The following TPO variants were observed in gnomAD, a reference collection of about 807,000 sequenced individuals.
TPO encodes thyroid microsomal antigen.
TPO carries 78 observed loss-of-function variants against 96.9 expected under a neutral mutation model. The ratio of observed to expected loss-of-function variants is 0.81; its 90% CI spans 0.67 to 0.97. TPO has a LOEUF of 0.97. Among genes scored for constraint, TPO ranks in the 50% least tolerant of loss-of-function variants. The pLI is 0.00. For synonymous variants in TPO, 547 were observed against 538.0 expected (o/e 1.02, Z -0.23); for missense variants, 1,252 against 1,274.8 (o/e 0.98, Z 0.27).
intron 1 of TPO, 65 bp downstream of exon 1, chr2:1,413,610 G>A (rs1662578640): frequency 2.2e-6 from 2 of 918,586 alleles, no homozygotes; most frequent in Non-Finnish European, 2.6e-6. Context: ...AACTTGTAAA[G>A]TGGCCCAAGA....
chr2:1,541,457 AG>A (rs1680759242), intron 16 of TPO: 1 of 157,716 alleles, frequency 6.3e-6, no homozygotes, highest in Non-Finnish European at 1.4e-5. Context: ...CTCCTGCTCA[AG>A]CAATCCTCTT....
At chr2:1,527,151 C>T (rs1676757712) in intron 15 of TPO, among the ~76,000 whole-genome samples, 1 of 139,722 alleles carries the variant, frequency 7.2e-6, no homozygotes, top group African/African-American at 2.8e-5. Flanking sequence ...CTCAAATCCC[C>T]CCACTCTGTG....
At chr2:1,493,722 G>A (rs779732361) in intron 10 of TPO, 80 bp from the exon 11 acceptor site, 39 of 1,540,526 alleles carry the variant, frequency 2.5e-5, no homozygotes, top group African/African-American at 2.2e-4. Context: ...TTCCAGTCTC[G>A]GGGACCATGG....
Position 1,414,501 on chromosome 2 carries a change from G to C in TPO, c.93G>C (p.Trp31Cys). The C allele has an allele frequency of 6.2e-7, 1 of 1,613,790 alleles. No homozygotes were observed. The highest frequency in any genetic ancestry group is 8.5e-7 in the Non-Finnish European group (1 of 1,179,896). The change falls in exon 2 of 17, where the codon TGG becomes TGC. Residue 31 changes from tryptophan to cysteine, a missense_variant and splice_region_variant. By Grantham distance (215) the Trp-to-Cys change is radical (BLOSUM62 -2). Transcript: ENST00000329066. ...TCTCGAGAGGGAAAGAACTCCTTTG[G>C]GGTAAGTAGCAAACACATTGCGGTC... ...PFISRGKELL[W>C]GKPEESRVSS...
chr2:1,423,214 C>T (rs1663968825), intron 3 of TPO, 85 bp downstream of exon 3: 6 of 1,309,104 alleles, frequency 4.6e-6, no homozygotes, highest in South Asian at 2.4e-5. Flanking sequence ...GCCTGATTTT[C>T]GCAATTGCAG....
intron 15 of TPO, among the ~76,000 whole-genome samples, chr2:1,535,094 A>G (rs568468006): frequency 1.2e-4 from 3 of 24,548 alleles, no homozygotes; most frequent in Admixed American, 5.3e-4. Context: ...CCCCAAATCT[A>G]CCTAACTCTG....
At chr2:1,408,191 T>G (rs1397516545) in intron 1 of TPO, among the ~76,000 whole-genome samples, 1 of 152,238 alleles carries the variant, frequency 6.6e-6, no homozygotes, top group East Asian at 1.9e-4. Flanking sequence ...AGAGGCCTGG[T>G]GCTGGATATC....
chr2:1,506,057 C>T (rs1673426367), intron 14 of TPO, among the ~76,000 whole-genome samples: 1 of 151,646 alleles, frequency 6.6e-6, no homozygotes, highest in Non-Finnish European at 1.5e-5. Context: ...CCACAACAGG[C>T]CCTGGTGTGT....
chr2:1,443,345 G>T (rs1405425089), intron 5 of TPO, among the ~76,000 whole-genome samples: 1 of 151,458 alleles, frequency 6.6e-6, no homozygotes, highest in Non-Finnish European at 1.5e-5. Flanking sequence ...GCTGCAGAAG[G>T]TACCATGTTG....
chr2:1,502,110 T>C (rs1438486958), intron 13 of TPO, among the ~76,000 whole-genome samples: 2 of 151,916 alleles, frequency 1.3e-5, no homozygotes, highest in African/African-American at 2.4e-5. Flanking sequence ...TCATGGGTGA[T>C]GACTTTGATT....
At chr2:1,501,420 C>T (rs1364131322) in intron 13 of TPO, among the ~76,000 whole-genome samples, 1 of 152,204 alleles carries the variant, frequency 6.6e-6, no homozygotes, top group African/African-American at 2.4e-5. Context: ...CGATTTGTCC[C>T]CCTCCTTCCT....
chr2:1,461,251 C>T (rs533099946), intron 7 of TPO, among the ~76,000 whole-genome samples: 1 of 152,306 alleles, frequency 6.6e-6, no homozygotes, highest in Admixed American at 6.5e-5. Context: ...CACCCGCCCC[C>T]AGAGGCTCCT....
rs777165610 is a variant in TPO, at chr2:1,505,649, G to T, written c.2518+1570G>T. Among the ~76,000 whole-genome samples the T allele has an allele frequency of 2.6e-5, 4 of 151,996 alleles. 1 individual carries two copies. The highest frequency in any genetic ancestry group is 3.9e-4 in the East Asian group (2 of 5,156). ...AAAAAAAAGTGATAAATGATGTGAAGAACATGCAGGTTTGTTACATAGGTA... is the reference window on the plus strand; with the variant it reads ...AAAAAAAAGTGATAAATGATGTGAATAACATGCAGGTTTGTTACATAGGTA... On this transcript the variant is annotated intron_variant, in intron 14 of 16. Coordinates refer to ENST00000329066, the MANE Select transcript of TPO (RefSeq NM_001206744.2).
intron 7 of TPO, among the ~76,000 whole-genome samples, chr2:1,460,533 C>T (rs1294374940): frequency 6.6e-6 from 1 of 152,136 alleles, no homozygotes; most frequent in Non-Finnish European, 1.5e-5. Flanking sequence ...AGTATATTTC[C>T]CAGGCTGGCC....
intron 4 of TPO, among the ~76,000 whole-genome samples, chr2:1,434,510 A>T (rs1412839175): frequency 1.3e-5 from 2 of 152,208 alleles, no homozygotes; most frequent in Non-Finnish European, 2.9e-5. Context: ...CATATGGCTG[A>T]ACGATGTTTC....
intron 15 of TPO, among the ~76,000 whole-genome samples, chr2:1,520,897 A>G (rs1161468235): frequency 1.3e-5 from 2 of 152,220 alleles, no homozygotes; most frequent in Non-Finnish European, 1.5e-5. Context: ...CTTAAATTTC[A>G]TGAAGACTTT....
intron 14 of TPO, among the ~76,000 whole-genome samples, chr2:1,507,896 C>A (rs1268935444): frequency 6.6e-6 from 1 of 152,258 alleles, no homozygotes; most frequent in African/African-American, 2.4e-5. Context: ...TGCCTGATTG[C>A]CCTGGCCAGA....
Position 1,494,134 on chromosome 2 carries a change from C to T in TPO, c.2006+95C>T, listed in dbSNP as rs115542817. 2,921 of 1,234,332 alleles carry T rather than the reference C, an allele frequency of 2.4e-3. 51 individuals carry two copies. In the African/African-American group the frequency reaches 0.036, roughly 15 times the overall value. 76.5% of individuals were successfully genotyped at this position (1,234,332 alleles called of 1,614,324 possible). On this transcript the variant is annotated intron_variant, in intron 11 of 16. Coordinates refer to ENST00000329066, the MANE Select transcript of TPO (RefSeq NM_001206744.2). ...GCCAGCCAGACCTGCATTCACATTC[C>T]GGCTCCACCATTCAACTCTTACGTA... is the stretch of plus-strand genomic sequence containing the variant.
At chr2:1,459,492 C>A (rs1668207019) in intron 7 of TPO, among the ~76,000 whole-genome samples, 1 of 152,134 alleles carries the variant, frequency 6.6e-6, no homozygotes, top group South Asian at 2.1e-4. Flanking sequence ...TGGTTTCGAT[C>A]TCATGTCCTC....
Sources: gnomAD v4.1 joint callset for allele counts (sites outside exome capture counted in the v4.1 genomes callset) on GRCh38, gnomAD v4.1.1 for gene constraint, MANE v1.5 for transcripts, NCBI Gene and HGNC (gene_info 2026-07-23, HGNC 2026-07-21) for gene names.